ADAMTS19: variants seen among roughly 807,000 people sequenced by gnomAD.
The protein encoded by ADAMTS19 is A disintegrin and metalloproteinase with thrombospondin motifs 19.
ADAMTS19 carries 93 observed loss-of-function variants against 153.3 expected under a neutral mutation model. That is an observed-to-expected ratio of 0.61 (90% confidence interval 0.51 to 0.72). The LOEUF (loss-of-function observed/expected upper bound fraction) is 0.72. ADAMTS19 is among the 30% of genes least tolerant of loss of function. The pLI is 0.00. For synonymous variants in ADAMTS19, 600 were observed against 556.6 expected, an observed-to-expected ratio of 1.08 and a Z score of -1.10; for missense variants, 1,482 against 1,552.1, an observed-to-expected ratio of 0.95 and a Z score of 0.76.
intron 16 of ADAMTS19, among the ~76,000 whole-genome samples, chr5:129,674,424 C>A (rs1386443596): frequency 6.6e-6 from 1 of 152,024 alleles, no homozygotes; most frequent in Non-Finnish European, 1.5e-5. Context: ...ATAATTTTGG[C>A]CATACTGAAT....
At chr5:129,735,305 C>A (rs73785271) in intron 22 of ADAMTS19, among the ~76,000 whole-genome samples, 196 bp downstream of exon 22, 3,313 of 152,076 alleles carry the variant, frequency 0.022, 113 homozygotes, top group African/African-American at 0.075. Flanking sequence ...ACTTAAACTG[C>A]TTTGATTCCC....
At chr5:129,641,809 A>T (rs1350899024) in intron 10 of ADAMTS19, 50 bp from the exon 11 acceptor site, 2 of 1,246,730 alleles carry the variant, frequency 1.6e-6, no homozygotes, top group Admixed American at 2.0e-5. Flanking sequence ...GGCTTCACTT[A>T]AAAAAATGTG....
At chr5:129,671,666 C>T (rs1561640470) in intron 16 of ADAMTS19, among the ~76,000 whole-genome samples, 1 of 151,772 alleles carries the variant, frequency 6.6e-6, no homozygotes, top group East Asian at 1.9e-4. Flanking sequence ...TTCATCATTC[C>T]TTCTTTAAAC....
At chr5:129,704,662 A>G (rs1346609450) in intron 21 of ADAMTS19, among the ~76,000 whole-genome samples, 2 of 152,174 alleles carry the variant, frequency 1.3e-5, no homozygotes, top group African/African-American at 4.8e-5. Flanking sequence ...CTTTTTTGTT[A>G]ATTATTCATA....
chr5:129,600,978 C>T (rs1447381424), intron 8 of ADAMTS19, among the ~76,000 whole-genome samples: 1 of 152,118 alleles, frequency 6.6e-6, no homozygotes, highest in Non-Finnish European at 1.5e-5. Context: ...TCAAGCGATT[C>T]TCCTGCCCCA....
chr5:129,648,000 A>G (rs1753145040), intron 12 of ADAMTS19, 105 bp downstream of exon 12: 2 of 1,285,916 alleles, frequency 1.6e-6, no homozygotes, highest in East Asian at 2.4e-5. Flanking sequence ...CTCAAACTCT[A>G]CTCACGTTGG....
chr5:129,673,626 A>C (rs1026296899), intron 16 of ADAMTS19, among the ~76,000 whole-genome samples: 2 of 152,132 alleles, frequency 1.3e-5, no homozygotes, highest in African/African-American at 4.8e-5. Context: ...TGCTGAGTAC[A>C]ATCTCTAAAT....
At chr5:129,531,591 C>T (rs535196615) in intron 6 of ADAMTS19, among the ~76,000 whole-genome samples, 42 of 152,198 alleles carry the variant, frequency 2.8e-4, no homozygotes, top group Admixed American at 1.4e-3. Flanking sequence ...CGCTACTGCA[C>T]GCCAGCCTGG....
chr5:129,594,524 A>G (rs1482020785), intron 7 of ADAMTS19, among the ~76,000 whole-genome samples: 1 of 152,096 alleles, frequency 6.6e-6, no homozygotes, highest in African/African-American at 2.4e-5. Flanking sequence ...TTATTTTCAA[A>G]TGCTGTAACT....
At chr5:129,584,887 C>T (rs1749703275) in intron 7 of ADAMTS19, among the ~76,000 whole-genome samples, 1 of 152,118 alleles carries the variant, frequency 6.6e-6, no homozygotes, top group Non-Finnish European at 1.5e-5. Flanking sequence ...GGCTTCAGCC[C>T]CCTTTCCAGG....
chr5:129,540,382 AC>A (rs1182835357), intron 6 of ADAMTS19, among the ~76,000 whole-genome samples: 1 of 152,112 alleles, frequency 6.6e-6, no homozygotes, highest in East Asian at 1.9e-4. Flanking sequence ...GTTCATAGTA[AC>A]AAAAACACAA....
intron 21 of ADAMTS19, among the ~76,000 whole-genome samples, chr5:129,734,579 A>AT (rs1250541717): frequency 3.3e-5 from 5 of 152,020 alleles, no homozygotes. Context: ...TAAATCAATT[A>AT]TTTGTTTGCA....
chr5:129,536,982 T>C (rs7708990), intron 6 of ADAMTS19, among the ~76,000 whole-genome samples: 45,002 of 150,750 alleles, frequency 0.3, 9,758 homozygotes, highest in African/African-American at 0.62. Context: ...ATGGGTGCAG[T>C]GCACCAGCAT....
At chr5:129,605,143 C>G (rs981164777) in intron 8 of ADAMTS19, among the ~76,000 whole-genome samples, 2 of 152,160 alleles carry the variant, frequency 1.3e-5, no homozygotes, top group Non-Finnish European at 2.9e-5. Flanking sequence ...TCCTTTTTAG[C>G]CTTTGCATCC....
chr5:129,714,705 C>T (rs934420737), intron 21 of ADAMTS19, among the ~76,000 whole-genome samples: 2 of 152,088 alleles, frequency 1.3e-5, no homozygotes, highest in Non-Finnish European at 2.9e-5. Flanking sequence ...CTTTTTTACA[C>T]CAACTTGATA....
chr5:129,738,033 T>C lies in ADAMTS19; in HGVS notation c.*815T>C, dbSNP rs559819668. 1 of 152,586 alleles carries C rather than the reference T, an allele frequency of 6.6e-6. No homozygotes were observed. Among genetic ancestry groups the C allele is most frequent in the African/African-American group, 2.4e-5 (1 of 41,546 alleles). The allele number at this position is 152,586 out of a possible 1,614,324, so 9.5% of individuals were successfully genotyped here. On this transcript the variant is annotated 3_prime_UTR_variant, in exon 23 of 23. Transcript: ENST00000274487. ...TTAAATATTTTTAACAAAGAAAACA[T>C]TGATCCACCCATTTCCCTGTATCTT...
intron 20 of ADAMTS19, among the ~76,000 whole-genome samples, chr5:129,702,971 T>TATATATATATACAC: frequency 7.7e-6 from 1 of 129,784 alleles, no homozygotes; most frequent in South Asian, 2.2e-4. Flanking sequence ...TATATATATA[T>TATATATATATACAC]ACAAATACAT....
chr5:129,689,876 A>G (rs1466517897), intron 18 of ADAMTS19, among the ~76,000 whole-genome samples: 2 of 152,232 alleles, frequency 1.3e-5, no homozygotes, highest in Admixed American at 6.5e-5. Flanking sequence ...TAATAAAAAC[A>G]TCTTATATTG....
At chr5:129,624,644 G>A (rs1751941402) in intron 10 of ADAMTS19, among the ~76,000 whole-genome samples, 1 of 152,118 alleles carries the variant, frequency 6.6e-6, no homozygotes, top group Non-Finnish European at 1.5e-5. Context: ...AAGCTCAGTA[G>A]ATGATCAACT....
Sources: allele counts gnomAD v4.1 joint callset (sites outside exome capture counted in the v4.1 genomes callset), GRCh38; gene constraint gnomAD v4.1.1; transcripts MANE v1.5; gene names NCBI Gene and HGNC (gene_info 2026-07-23, HGNC 2026-07-21).